NSD1: variants seen among roughly 807,000 people sequenced by gnomAD.
NSD1 encodes nuclear receptor binding SET domain protein 1.
In NSD1, 26 loss-of-function variants were observed where a neutral mutation model predicts 242.7. The ratio of observed to expected loss-of-function variants is 0.11; its 90% CI spans 0.08 to 0.15. The LOEUF is 0.15. Ranked by LOEUF, NSD1 falls within the 10% of genes least tolerant of loss-of-function variation. NSD1 has a pLI of 1.00. For synonymous variants in NSD1, 1,106 were observed against 1,178.1 expected (o/e 0.94, Z 1.25); for missense variants, 2,495 against 3,272.8 (o/e 0.76, Z 5.80).
chr5:177,248,598 G>T (rs1190602635), intron 11 of NSD1, among the ~76,000 whole-genome samples: 2 of 152,144 alleles, frequency 1.3e-5, no homozygotes, highest in Non-Finnish European at 1.5e-5. Context: ...TGAATCTCTG[G>T]TTGCTTATTC....
intron 2 of NSD1, among the ~76,000 whole-genome samples, chr5:177,144,594 A>G (rs1281411841): frequency 6.6e-6 from 1 of 152,038 alleles, no homozygotes; most frequent in Admixed American, 6.6e-5. Context: ...TGCTTTTTGC[A>G]GGTTGTCCTT....
chr5:177,207,593 A>ATTTTTT lies in NSD1; in HGVS notation c.1237-2019_1237-2014dup, dbSNP rs150492535. On this transcript the variant is annotated intron_variant, in intron 4 of 22. Transcript: ENST00000439151. ...CACCGTGCCTGGCCTATTTATTTAA[A>ATTTTTT]TTTTTTTTTTTTTTTTTTTTTTTTT... is the stretch of plus-strand genomic sequence containing the variant. Among the ~76,000 whole-genome samples, 291 of 78,218 alleles carry ATTTTTT rather than the reference A, an allele frequency of 3.7e-3. 34 individuals are homozygous for ATTTTTT. Among genetic ancestry groups the ATTTTTT allele is most frequent in the African/African-American group, 0.018 (252 of 14,182 alleles). 51.3% of individuals were successfully genotyped at this position (78,218 alleles called of 152,430 possible).
intron 18 of NSD1, among the ~76,000 whole-genome samples, chr5:177,281,333 C>G (rs80086432): frequency 7.0e-6 from 1 of 142,064 alleles, no homozygotes; most frequent in Admixed American, 7.0e-5. Context: ...ATTGTATAGT[C>G]TTTTTTTTTT....
intron 2 of NSD1, among the ~76,000 whole-genome samples, chr5:177,160,292 G>T (rs1170746082): frequency 6.6e-6 from 1 of 150,496 alleles, no homozygotes; most frequent in Non-Finnish European, 1.5e-5. Flanking sequence ...TTTTTAATGT[G>T]TTTTTTTTTC....
chr5:177,159,411 T>C (rs980734807), intron 2 of NSD1, among the ~76,000 whole-genome samples: 5 of 150,578 alleles, frequency 3.3e-5, no homozygotes, highest in Non-Finnish European at 7.4e-5. Context: ...GCTTCCCAAG[T>C]AGCTAGGATT....
intron 8 of NSD1, among the ~76,000 whole-genome samples, chr5:177,243,850 C>T (rs1172000829): frequency 5.9e-5 from 9 of 152,068 alleles, no homozygotes; most frequent in Non-Finnish European, 1.3e-4. Context: ...TGTGCCACCA[C>T]ACCTGACTAA....
intron 2 of NSD1, among the ~76,000 whole-genome samples, chr5:177,187,227 C>T (rs1400172108): frequency 6.6e-6 from 1 of 151,650 alleles, no homozygotes; most frequent in East Asian, 1.9e-4. Context: ...GCCTCAACCT[C>T]CCAAGTAGCT....
rs796799369 is a variant in NSD1 at position 177,212,484 on chromosome 5, TCTC to T, written c.3796+290_3796+292del. ...CTTTCTCTCTCTCTCTTTCTCTCTC[TCTC>T]TTTTTTTTTTTTTTCTAATTTTTTT... On this transcript the variant is annotated intron_variant, in intron 5 of 22. Transcript: ENST00000439151. Among the ~76,000 whole-genome samples, 132 of 112,952 alleles carry T rather than the reference TCTC, an allele frequency of 1.2e-3. 2 individuals carry two copies. In the East Asian group the frequency reaches 0.027, roughly 23 times the overall value. 74.1% of individuals were successfully genotyped at this position (112,952 alleles called of 152,430 possible).
Position 177,209,545 on chromosome 5 carries a change from G to A in NSD1, c.1237-91G>A, listed in dbSNP as rs201076688. The A allele has an allele frequency of 0.012, 7,513 of 650,468 alleles. 77 individuals carry two copies. In the East Asian group the frequency reaches 0.12, roughly 10 times the overall value. 40.3% of individuals were successfully genotyped at this position (650,468 alleles called of 1,614,324 possible). A position where few individuals can be genotyped will look rare whatever the true frequency, so the allele number is the denominator to read the frequency against. On this transcript the variant is annotated intron_variant, in intron 4 of 22. Coordinates refer to ENST00000439151, the MANE Select transcript of NSD1 (RefSeq NM_022455.5). ...CTCTGTCTCAAAAAAAAAAAAAAAA[G>A]GAATAAAAAAAAAAGCTTCTGATTT...
chr5:177,224,035 TG>T (rs1430570109), intron 5 of NSD1, among the ~76,000 whole-genome samples: 3 of 150,292 alleles, frequency 2.0e-5, no homozygotes, highest in Non-Finnish European at 3.0e-5. Context: ...ACAGTATTTT[TG>T]TAGTAATTAA....
At chr5:177,158,296 T>TCTTTC (rs1562130680) in intron 2 of NSD1, among the ~76,000 whole-genome samples, 1 of 127,126 alleles carries the variant, frequency 7.9e-6, no homozygotes, top group African/African-American at 3.4e-5. Context: ...TTTCTTTCTT[T>TCTTTC]CTTTCTTTTC....
chr5:177,138,950 A>T (rs1756578737), intron 2 of NSD1, among the ~76,000 whole-genome samples: 1 of 147,448 alleles, frequency 6.8e-6, no homozygotes, highest in Non-Finnish European at 1.5e-5. Context: ...CAGACTGAGG[A>T]CTTAAAAAGT....
In NSD1 at chr5:177,188,560, T is replaced by C. The variant is rs186566967; in HGVS notation, c.928-3324T>C. On this transcript the variant is annotated intron_variant, in intron 2 of 22. Coordinates refer to ENST00000439151, the MANE Select transcript of NSD1 (RefSeq NM_022455.5). ...TCTCAATGGCCTTGTTATTTAAAAG[T>C]TTTTTTAAGGTCATCATTATTGCTT... 5.0e-3 allele frequency among the ~76,000 whole-genome samples: 760 copies of C among 152,322 alleles called. 3 individuals are homozygous for C. Among genetic ancestry groups the C allele is most frequent in the African/African-American group, 0.017 (700 of 41,580 alleles).
At chr5:177,257,812 CTTTTT>C (rs1427620080) in intron 13 of NSD1, among the ~76,000 whole-genome samples, 1 of 125,374 alleles carries the variant, frequency 8.0e-6, no homozygotes, top group Non-Finnish European at 1.8e-5. Flanking sequence ...TTCCCCTGGG[CTTTTT>C]TTTTATTTTA....
chr5:177,288,992 GC>G, intron 21 of NSD1, 67 bp downstream of exon 21: 4 of 1,085,242 alleles, frequency 3.7e-6, no homozygotes, highest in Non-Finnish European at 5.7e-6. Context: ...CAGTGTTAGG[GC>G]AGTCTACATT....
intron 2 of NSD1, among the ~76,000 whole-genome samples, chr5:177,141,047 G>C (rs1562106830): frequency 6.6e-6 from 1 of 152,098 alleles, no homozygotes; most frequent in African/African-American, 2.4e-5. Context: ...TTTTGAGACA[G>C]AGTCTCACTC....
At chr5:177,261,450 C>T (rs1267805357) in intron 14 of NSD1, among the ~76,000 whole-genome samples, 2 of 151,956 alleles carry the variant, frequency 1.3e-5, no homozygotes, top group Admixed American at 1.3e-4. Flanking sequence ...ATTTTCTTTT[C>T]TATCCTTATC....
rs529840791 is a variant in NSD1, at chr5:177,172,644, C to T, written c.928-19240C>T. ...AACAATAGTTTTTACATTTGTGAATCGCTGAGGCAAAATCCAAAGGAAAAT... is the reference window on the plus strand; with the variant it reads ...AACAATAGTTTTTACATTTGTGAATTGCTGAGGCAAAATCCAAAGGAAAAT... On this transcript the variant is annotated intron_variant, in intron 2 of 22. Transcript: ENST00000439151. 3.0e-4 allele frequency among the ~76,000 whole-genome samples: 46 copies of T among 152,152 alleles called. 1 individual carries two copies. In the South Asian group the frequency reaches 7.3e-3, roughly 24 times the overall value.
intron 4 of NSD1, among the ~76,000 whole-genome samples, chr5:177,208,171 G>T (rs964246700): frequency 6.6e-6 from 1 of 152,118 alleles, no homozygotes; most frequent in African/African-American, 2.4e-5. Context: ...ATTGTATGGA[G>T]GTAAGGAAGA....
Sources: allele counts gnomAD v4.1 joint callset (sites outside exome capture counted in the v4.1 genomes callset), GRCh38; gene constraint gnomAD v4.1.1; transcripts MANE v1.5; gene names NCBI Gene and HGNC (gene_info 2026-07-23, HGNC 2026-07-21).